PSG2: variants seen among roughly 807,000 people sequenced by gnomAD.
PSG2 encodes pregnancy-specific beta-1-glycoprotein 2.
PSG2 carries 49 observed loss-of-function variants against 36.2 expected under a neutral mutation model. The ratio of observed to expected loss-of-function variants is 1.35; its 90% CI spans 1.08 to 1.72. The LOEUF (loss-of-function observed/expected upper bound fraction) is 1.72. PSG2 is among the 40% of genes most tolerant of loss of function. PSG2 has a pLI of 0.00. For missense variants in PSG2, 605 were observed against 407.2 expected, an observed-to-expected ratio of 1.49 and a Z score of -4.18; for synonymous variants, 261 against 155.6, an observed-to-expected ratio of 1.68 and a Z score of -5.04.
intron 2 of PSG2, among the ~76,000 whole-genome samples, chr19:43,080,520 GAGAGT>G (rs1427519246): frequency 1.3e-5 from 2 of 151,692 alleles, no homozygotes; most frequent in African/African-American, 4.9e-5. Context: ...GAGCTTCTCT[GAGAGT>G]ATCTCAGGGG....
At chr19:43,081,363 ACAC>A in intron 1 of PSG2, 117 bp from the exon 2 acceptor site, 1 of 1,165,800 alleles carries the variant, frequency 8.6e-7, no homozygotes, top group South Asian at 1.9e-5. Context: ...ACACACACAC[ACAC>A]ACACACACAC....
At chr19:43,080,430 C>A (rs1399926938) in intron 2 of PSG2, among the ~76,000 whole-genome samples, 3 of 151,692 alleles carry the variant, frequency 2.0e-5, no homozygotes, top group Non-Finnish European at 4.4e-5. Flanking sequence ...AAGCCACAAC[C>A]CAGCCCTGGC....
rs938788864 is a variant in PSG2, at chr19:43,072,532, G to A, written c.710-578C>T. The A allele has an allele frequency of 5.5e-5, 89 of 1,611,226 alleles. 1 individual carries two copies. The highest frequency in any genetic ancestry group is 2.5e-4 in the South Asian group (23 of 90,950). On this transcript the variant is annotated intron_variant, in intron 3 of 5. Transcript: ENST00000406487. Reference sequence around the variant, plus strand: ...GACCATTTAGCCACCAAATGTAGGTGTAGCTCTCACTCTTAGGTTCACAGG... The same window carrying A: ...GACCATTTAGCCACCAAATGTAGGTATAGCTCTCACTCTTAGGTTCACAGG...
rs1341737472 is a variant in PSG2, at chr19:43,081,204, A to G, written c.107T>C (p.Val36Ala). The G allele has an allele frequency of 6.2e-7, 1 of 1,612,644 alleles. No homozygotes were observed. The highest frequency in any genetic ancestry group is 8.5e-7 in the Non-Finnish European group (1 of 1,179,616). The change falls in exon 2 of 6, where the codon GTC (valine) becomes GCC (alanine). Residue 36 changes from valine (V) to alanine (A), a missense_variant. Transcript: ENST00000406487. ...TTTTGGTGGCTGGGCTTCAATCGTGACTTGGGCAGTGGTGGGCAGGTTCCA... is the reference window on the plus strand; with the variant it reads ...TTTTGGTGGCTGGGCTTCAATCGTGGCTTGGGCAGTGGTGGGCAGGTTCCA... The part of the protein sequence containing the change: ...NFWNLPTTAQ[V>A]TIEAQPPKVS...
At chr19:43,078,044 T>C (rs1967922216) in intron 2 of PSG2, among the ~76,000 whole-genome samples, 1 of 151,672 alleles carries the variant, frequency 6.6e-6, no homozygotes, top group Admixed American at 6.6e-5. Flanking sequence ...CTTGGGGGAC[T>C]GCAGGCCTGT....
In PSG2 at chr19:43,081,120, C is replaced by G. The variant is rs1967966629; in HGVS notation, c.191G>C (p.Gly64Ala). 6.2e-7 allele frequency: 1 copy of G among 1,612,606 alleles called. No individual in the cohort carries two copies. The highest frequency in any genetic ancestry group is 1.3e-5 in the African/African-American group (1 of 74,146). Residue 64 changes from glycine to alanine, a missense_variant, in exon 2 of 6, where the codon GGC (glycine) becomes GCC (alanine). Physicochemically the swap from Gly to Ala is moderately conservative, Grantham distance 60. Coordinates refer to ENST00000406487, the MANE Select transcript of PSG2 (RefSeq NM_031246.4). The stretch of plus-strand genomic sequence containing the variant: ...GATTTGCCCTTTGTACCAGATGTAG[C>G]CAGTAAGATTCTGGGGCAAATTGTG... ...LVHNLPQNLTGYIWYKGQIRD... is the reference protein window; with the variant it reads ...LVHNLPQNLTAYIWYKGQIRD...
rs776552801 is a variant in PSG2 at position 43,082,528 on chromosome 19, T to A, written c.42A>T (p.Lys14Asn). ...LSAPPCTEHIKWKGLLVTASL... is the reference protein window; with the variant it reads ...LSAPPCTEHINWKGLLVTASL... ...CACCTGTGACCAGGAGCCCCTTCCA[T>A]TTGATGTGCTCTGTGCAGGGAGGGG... Residue 14 changes from lysine to asparagine, a missense_variant, in exon 1 of 6, where the codon AAA becomes AAT. Physicochemically the swap from Lys to Asn is moderately conservative, Grantham distance 94. Transcript: ENST00000406487. 3.7e-6 allele frequency: 6 copies of A among 1,611,854 alleles called. No homozygotes were observed. In the African/African-American group the frequency reaches 6.7e-5, roughly 18 times the overall value.
At chr19:43,073,400 G>A (rs1172230863) in intron 3 of PSG2, among the ~76,000 whole-genome samples, 1 of 151,788 alleles carries the variant, frequency 6.6e-6, no homozygotes, top group Non-Finnish European at 1.5e-5. Context: ...CAGAGGGCAG[G>A]TGAGGACCAT....
In PSG2 at chr19:43,082,122, C is replaced by CTTTTTTTTTTTTTT. The variant is rs71169213; in HGVS notation, c.64+370_64+383dup. The CTTTTTTTTTTTTTT allele has an allele frequency of 1.3e-4, 9 of 67,982 alleles. 1 individual carries two copies. Among genetic ancestry groups the CTTTTTTTTTTTTTT allele is most frequent in the African/African-American group, 2.4e-4 (3 of 12,736 alleles). 4.2% of individuals were successfully genotyped at this position (67,982 alleles called of 1,614,324 possible). ...CTTTCCTTTTATTTCTTTCTTCTCT[C>CTTTTTTTTTTTTTT]TTTTTTTTTTTTTTTTTTTTTTTTT... On this transcript the variant is annotated intron_variant, in intron 1 of 5. Transcript: ENST00000406487.
In PSG2 at chr19:43,075,263, A is replaced by T. The variant is rs1050455173; in HGVS notation, c.709+91T>A. The stretch of plus-strand genomic sequence containing the variant: ...GATGCCTAGGGGTAAAGGTCTCTGT[A>T]CTTGGACCTGAGAGGGACTGAGAGG... On this transcript the variant is annotated intron_variant, in intron 3 of 5. Coordinates refer to ENST00000406487, the MANE Select transcript of PSG2 (RefSeq NM_031246.4). 3 of 1,610,264 alleles carry T rather than the reference A, an allele frequency of 1.9e-6. No individual in the cohort carries two copies. The African/African-American group carries it at 4.0e-5, about 22-fold the overall frequency.
At chr19:43,068,339 T>A (rs1249448481) in intron 4 of PSG2, among the ~76,000 whole-genome samples, 2 of 151,068 alleles carry the variant, frequency 1.3e-5, no homozygotes, top group East Asian at 3.9e-4. Context: ...CTTGAGAGGC[T>A]GAAGAAGGAG....
chr19:43,076,080 A>T (rs1967891916), intron 2 of PSG2, among the ~76,000 whole-genome samples: 1 of 151,686 alleles, frequency 6.6e-6, no homozygotes, highest in Non-Finnish European at 1.5e-5. Flanking sequence ...TGAATGATGG[A>T]ACTTCCCATT....
At chr19:43,077,964 T>C (rs551169555) in intron 2 of PSG2, among the ~76,000 whole-genome samples, 3 of 151,754 alleles carry the variant, frequency 2.0e-5, no homozygotes, top group South Asian at 2.1e-4. Flanking sequence ...AGGAAGTGAC[T>C]GGAGAATGTG....
intron 3 of PSG2, 84 bp downstream of exon 3, chr19:43,075,270 C>T (rs1599708550): frequency 1.9e-6 from 3 of 1,611,558 alleles, no homozygotes; most frequent in Admixed American, 1.7e-5. Context: ...TGTACTTGGA[C>T]CTGAGAGGGA....
At chr19:43,067,971 A>G (rs1293058588) in intron 4 of PSG2, among the ~76,000 whole-genome samples, 1 of 151,474 alleles carries the variant, frequency 6.6e-6, no homozygotes, top group Non-Finnish European at 1.5e-5. Flanking sequence ...ACAGTGAATG[A>G]GGGAAATAAT....
At chr19:43,066,984 G>C (rs774218507) in intron 4 of PSG2, among the ~76,000 whole-genome samples, 1 of 151,260 alleles carries the variant, frequency 6.6e-6, no homozygotes, top group Non-Finnish European at 1.5e-5. Flanking sequence ...CCATGGCAGG[G>C]ACCTGATTGG....
intron 4 of PSG2, among the ~76,000 whole-genome samples, chr19:43,068,944 T>A (rs940019401): frequency 6.6e-6 from 1 of 151,664 alleles, no homozygotes; most frequent in South Asian, 2.1e-4. Flanking sequence ...TATAGATAAC[T>A]TGAACTTATA....
At chr19:43,079,419 G>A (rs56026093) in intron 2 of PSG2, among the ~76,000 whole-genome samples, 16,120 of 151,178 alleles carry the variant, frequency 0.11, 1,097 homozygotes, top group South Asian at 0.13. Context: ...GTGTGGCTAG[G>A]ACCTCCTAGG....
intron 3 of PSG2, chr19:43,072,593 A>G (rs1454173034): frequency 1.2e-6 from 2 of 1,611,402 alleles, no homozygotes; most frequent in African/African-American, 2.7e-5. Flanking sequence ...CCTGGGGTTT[A>G]AGTTGTTGAT....
Sources: allele counts gnomAD v4.1 joint callset (sites outside exome capture counted in the v4.1 genomes callset), GRCh38; gene constraint gnomAD v4.1.1; transcripts MANE v1.5; gene names NCBI Gene and HGNC (gene_info 2026-07-23, HGNC 2026-07-21).